NTRK2: variants seen among roughly 807,000 people sequenced by gnomAD.
NTRK2 encodes the protein BDNF/NT-3 growth factors receptor.
A neutral mutation model predicts 94.5 loss-of-function variants in NTRK2; 13 were observed. The observed-to-expected ratio is 0.14, with a 90% CI of 0.09 to 0.22. NTRK2 has a LOEUF of 0.22. NTRK2 is among the 10% of genes least tolerant of loss of function. The probability of loss-of-function intolerance (pLI) is 1.00; values close to 1 mark genes in which losing one functional copy is unlikely to be tolerated. For synonymous variants in NTRK2, 372 were observed against 407.4 expected, an observed-to-expected ratio of 0.91 and a Z score of 1.05; for missense variants, 639 against 1,071.2, an observed-to-expected ratio of 0.60 and a Z score of 5.63.
At chr9:84,900,223 G>T (rs1415799265) in intron 14 of NTRK2, among the ~76,000 whole-genome samples, 1 of 152,090 alleles carries the variant, frequency 6.6e-6, no homozygotes, top group Non-Finnish European at 1.5e-5. Context: ...GGGTGTTAGA[G>T]GTCCTGTAAT....
chr9:84,673,541 C>G (rs1010753120), intron 2 of NTRK2, among the ~76,000 whole-genome samples: 15 of 152,124 alleles, frequency 9.9e-5, no homozygotes, highest in African/African-American at 3.6e-4. Context: ...CAACACACAA[C>G]TTGCTGAAAC....
At chr9:84,770,197 C>A (rs1354438208) in intron 12 of NTRK2, among the ~76,000 whole-genome samples, 2 of 150,370 alleles carry the variant, frequency 1.3e-5, no homozygotes, top group Non-Finnish European at 3.0e-5. Context: ...CACACACAAA[C>A]ACACAGCTGG....
At chr9:84,970,273 T>A (rs1826034907) in intron 17 of NTRK2, among the ~76,000 whole-genome samples, 1 of 151,808 alleles carries the variant, frequency 6.6e-6, no homozygotes, top group African/African-American at 2.4e-5. Context: ...GGTGGGCGCC[T>A]GTAATCCCAG....
intron 5 of NTRK2, among the ~76,000 whole-genome samples, chr9:84,708,954 G>A (rs2061270663): frequency 6.6e-6 from 1 of 152,156 alleles, no homozygotes; most frequent in African/African-American, 2.4e-5. Context: ...TAAAAATTTT[G>A]GGCAACATTG....
At chr9:84,812,346 C>T (rs1261845794) in intron 12 of NTRK2, 1 of 1,058,826 alleles carries the variant, frequency 9.4e-7, no homozygotes, top group Admixed American at 5.4e-5. Flanking sequence ...ACTTCATACC[C>T]ATGCCTTAAA....
intron 12 of NTRK2, among the ~76,000 whole-genome samples, chr9:84,849,540 T>G (rs1300102497): frequency 6.6e-6 from 1 of 152,234 alleles, no homozygotes; most frequent in Non-Finnish European, 1.5e-5. Flanking sequence ...CAAGATTTAT[T>G]CATTTATTCA....
chr9:84,825,214 C>T (rs2073109652), intron 12 of NTRK2, among the ~76,000 whole-genome samples: 1 of 152,110 alleles, frequency 6.6e-6, no homozygotes, highest in Non-Finnish European at 1.5e-5. Context: ...GTCTACCATC[C>T]TCCAGGCCCT....
At chr9:84,698,472 G>A (rs112534036) in intron 2 of NTRK2, among the ~76,000 whole-genome samples, 6,075 of 151,988 alleles carry the variant, frequency 0.04, 360 homozygotes, top group African/African-American at 0.13. Context: ...TTGACTCTAT[G>A]ACAATGAATG....
intron 17 of NTRK2, among the ~76,000 whole-genome samples, chr9:84,971,109 C>T (rs2133136023): frequency 2.0e-5 from 3 of 152,248 alleles, no homozygotes; most frequent in African/African-American, 7.2e-5. Flanking sequence ...ATTTAAAGAA[C>T]AATTTAACCA....
intron 2 of NTRK2, among the ~76,000 whole-genome samples, chr9:84,695,518 T>G (rs968679720): frequency 6.6e-6 from 1 of 152,202 alleles, no homozygotes; most frequent in Non-Finnish European, 1.5e-5. Context: ...AAGCTTTTTG[T>G]TAAGCCAAAG....
chr9:84,958,794 T>G (rs1226941087), intron 17 of NTRK2, among the ~76,000 whole-genome samples: 1 of 152,234 alleles, frequency 6.6e-6, no homozygotes, highest in Admixed American at 6.5e-5. Flanking sequence ...ATGGTTCACC[T>G]TTTCGTTTCA....
At chr9:84,716,252 A>G (rs183215278) in intron 6 of NTRK2, among the ~76,000 whole-genome samples, 228 of 152,266 alleles carry the variant, frequency 1.5e-3, no homozygotes, top group African/African-American at 5.2e-3. Flanking sequence ...CACTTTTCCA[A>G]CCTTCCAACT....
intron 4 of NTRK2, among the ~76,000 whole-genome samples, chr9:84,706,515 TTTTTTGTTTTTG>T (rs1329331792): frequency 3.5e-5 from 4 of 113,322 alleles, no homozygotes; most frequent in African/African-American, 1.4e-4. Context: ...ATGTGTGTTA[TTTTTTGTTTTTG>T]TTTTTTTTTT....
chr9:84,677,284 T>C (rs1207830372), intron 2 of NTRK2, among the ~76,000 whole-genome samples: 1 of 152,164 alleles, frequency 6.6e-6, no homozygotes, highest in Non-Finnish European at 1.5e-5. Context: ...ATTCCCCGAC[T>C]TCTTTCTTCC....
chr9:84,885,082 G>A (rs2076372790), intron 14 of NTRK2, among the ~76,000 whole-genome samples: 1 of 152,196 alleles, frequency 6.6e-6, no homozygotes, highest in Non-Finnish European at 1.5e-5. Context: ...AAGAAGTAGG[G>A]CATTGGCCAG....
chr9:84,895,691 A>G (rs59415619), intron 14 of NTRK2, among the ~76,000 whole-genome samples: 3,793 of 152,288 alleles, frequency 0.025, 170 homozygotes, highest in African/African-American at 0.086. Flanking sequence ...GGGGAGTGTG[A>G]GCAAATCGAT....
chr9:84,687,339 C>CTGTCTCATT (rs1226024562), intron 2 of NTRK2, among the ~76,000 whole-genome samples: 1 of 152,218 alleles, frequency 6.6e-6, no homozygotes, highest in Non-Finnish European at 1.5e-5. Context: ...AACTTCTTGG[C>CTGTCTCATT]TGTCTCATTT....
At chr9:84,747,642 T>A (rs1040595560) in intron 11 of NTRK2, among the ~76,000 whole-genome samples, 2 of 152,162 alleles carry the variant, frequency 1.3e-5, no homozygotes, top group African/African-American at 4.8e-5. Context: ...CATGCCTGGC[T>A]AATTTTTTTG....
rs915871371 is a variant in NTRK2, at chr9:84,990,374, G to A, written c.2173-29832G>A. Among the ~76,000 whole-genome samples the A allele has an allele frequency of 7.9e-5, 12 of 152,132 alleles. No homozygotes were observed. The East Asian group carries it at 1.3e-3, about 17-fold the overall frequency. On this transcript the variant is annotated intron_variant, in intron 17 of 18. Coordinates refer to ENST00000277120, the MANE Select transcript of NTRK2 (RefSeq NM_006180.6). Reference sequence around the variant, plus strand: ...CATTGTTGTGTATCTTACTTAATACGGACAAATAAGGCTTTTCTCTGCACT... The same window carrying A: ...CATTGTTGTGTATCTTACTTAATACAGACAAATAAGGCTTTTCTCTGCACT...
Sources: allele counts gnomAD v4.1 joint callset (sites outside exome capture counted in the v4.1 genomes callset), GRCh38; gene constraint gnomAD v4.1.1; transcripts MANE v1.5; gene names NCBI Gene and HGNC (gene_info 2026-07-23, HGNC 2026-07-21).